The following OR1J2 variants were observed in gnomAD, a reference collection of about 807,000 sequenced individuals.
OR1J2 encodes olfactory receptor 1J2.
For missense variants in OR1J2, 304 were observed against 246.1 expected (o/e 1.24, Z -1.57); for synonymous variants, 142 against 99.7 (o/e 1.42, Z -2.52).
upstream of OR1J2, among the ~76,000 whole-genome samples, chr9:122,509,475 C>T (rs1828591255): frequency 6.6e-6 from 1 of 152,186 alleles, no homozygotes; most frequent in South Asian, 2.1e-4. Flanking sequence ...ACTTAAACTG[C>T]TTTGTGTTGA....
upstream of OR1J2, among the ~76,000 whole-genome samples, chr9:122,508,774 T>G (rs1177995096): frequency 1.3e-5 from 2 of 152,202 alleles, no homozygotes; most frequent in African/African-American, 4.8e-5. Context: ...ATTACTGCTT[T>G]AACAAATTAC....
chr9:122,470,379 G>A, the OR1J2 span, among the ~76,000 whole-genome samples: 33 of 152,232 alleles, frequency 2.2e-4, no homozygotes, highest in Non-Finnish European at 4.3e-4. Context: ...GCCTGTGGGT[G>A]CACAGAAGTC....
the OR1J2 span, among the ~76,000 whole-genome samples, chr9:122,578,802 G>A: frequency 3.3e-4 from 50 of 152,150 alleles, no homozygotes; most frequent in Admixed American, 1.8e-3. Context: ...TTGGGGACTC[G>A]GGAAAGGGTA....
chr9:122,561,809 C>A, the OR1J2 span, among the ~76,000 whole-genome samples: 1 of 152,278 alleles, frequency 6.6e-6, no homozygotes, highest in African/African-American at 2.4e-5. Flanking sequence ...GGGTCTCACC[C>A]AGTTGGTGGC....
chr9:122,497,300 C>T, the OR1J2 span, among the ~76,000 whole-genome samples: 1 of 152,204 alleles, frequency 6.6e-6, no homozygotes, highest in Non-Finnish European at 1.5e-5. Context: ...CTCTGTCCAT[C>T]AGAGTGGGAG....
the OR1J2 span, among the ~76,000 whole-genome samples, chr9:122,568,971 T>C: frequency 1.3e-5 from 2 of 150,182 alleles, no homozygotes; most frequent in African/African-American, 4.9e-5. Flanking sequence ...CTGGGGGTAT[T>C]TTAGATGGGG....
the OR1J2 span, among the ~76,000 whole-genome samples, chr9:122,466,373 C>T: frequency 6.6e-6 from 1 of 152,156 alleles, no homozygotes; most frequent in Non-Finnish European, 1.5e-5. Context: ...GTAGAAAATT[C>T]TGGATTACCT....
At chr9:122,504,677 A>G in the OR1J2 span, among the ~76,000 whole-genome samples, 1 of 152,038 alleles carries the variant, frequency 6.6e-6, no homozygotes, top group Non-Finnish European at 1.5e-5. Flanking sequence ...AATGCGTCAG[A>G]CTTTAGTCCA....
the OR1J2 span, among the ~76,000 whole-genome samples, chr9:122,481,146 T>C: frequency 5.9e-5 from 9 of 152,238 alleles, no homozygotes; most frequent in South Asian, 1.7e-3. Context: ...TATGTGTCCA[T>C]GTGTTCTCAT....
the OR1J2 span, among the ~76,000 whole-genome samples, chr9:122,495,901 C>G: frequency 6.6e-6 from 1 of 152,116 alleles, no homozygotes; most frequent in Admixed American, 6.6e-5. Flanking sequence ...GTGCTCTCCC[C>G]CTTCCCCTAG....
At chr9:122,555,417 G>A in the OR1J2 span, among the ~76,000 whole-genome samples, 1 of 152,154 alleles carries the variant, frequency 6.6e-6, no homozygotes, top group Non-Finnish European at 1.5e-5. Flanking sequence ...CCTTGAATTA[G>A]GTGACTTGGC....
the OR1J2 span, among the ~76,000 whole-genome samples, chr9:122,451,851 G>T: frequency 6.6e-6 from 1 of 152,086 alleles, no homozygotes; most frequent in East Asian, 1.9e-4. Flanking sequence ...CTGGTCTGGG[G>T]GCATAATTAC....
the OR1J2 span, among the ~76,000 whole-genome samples, chr9:122,494,393 T>C: frequency 3.3e-5 from 5 of 152,168 alleles, no homozygotes; most frequent in African/African-American, 1.2e-4. Flanking sequence ...TTTAAAATTG[T>C]GATATTTTCT....
the OR1J2 span, among the ~76,000 whole-genome samples, chr9:122,482,902 A>C: frequency 6.6e-6 from 1 of 152,182 alleles, no homozygotes; most frequent in South Asian, 2.1e-4. Flanking sequence ...CAACAGCTAC[A>C]AAGTTACAGT....
At chr9:122,543,009 G>A in the OR1J2 span, among the ~76,000 whole-genome samples, 60 of 152,266 alleles carry the variant, frequency 3.9e-4, no homozygotes, top group African/African-American at 1.4e-3. Context: ...GCCTTTTATA[G>A]CTGATGAGCA....
chr9:122,544,423 T>A, the OR1J2 span, among the ~76,000 whole-genome samples: 2 of 143,672 alleles, frequency 1.4e-5, no homozygotes, highest in African/African-American at 5.2e-5. Context: ...TTCTTTTTTT[T>A]TTTTTTTTTT....
At chr9:122,461,448 T>A in the OR1J2 span, among the ~76,000 whole-genome samples, 19 of 152,098 alleles carry the variant, frequency 1.2e-4, no homozygotes, top group Non-Finnish European at 2.2e-4. Flanking sequence ...TTATTTCTTT[T>A]CTTCTGCTGG....
chr9:122,528,216 A>C, the OR1J2 span, among the ~76,000 whole-genome samples: 1 of 152,242 alleles, frequency 6.6e-6, no homozygotes, highest in Non-Finnish European at 1.5e-5. Context: ...TAAGAACTAG[A>C]TAGAACCTGA....
chr9:122,460,165 A>ATGTG, the OR1J2 span, among the ~76,000 whole-genome samples: 85 of 117,120 alleles, frequency 7.3e-4, no homozygotes, highest in African/African-American at 2.8e-3. Flanking sequence ...TGGTATGTAT[A>ATGTG]TGTGTGTGTG....
Sources: gnomAD v4.1 joint callset for allele counts (sites outside exome capture counted in the v4.1 genomes callset) on GRCh38, gnomAD v4.1.1 for gene constraint, MANE v1.5 for transcripts, NCBI Gene and HGNC (gene_info 2026-07-23, HGNC 2026-07-21) for gene names.